NAV3: variants seen among roughly 807,000 people sequenced by gnomAD.
NAV3 encodes the protein neuron navigator 3.
NAV3 carries 87 observed loss-of-function variants against 244.7 expected under a neutral mutation model. That is an observed-to-expected ratio of 0.36 (90% CI 0.30 to 0.42). The LOEUF (loss-of-function observed/expected upper bound fraction) is 0.42. Among genes scored for constraint, NAV3 ranks in the 20% least tolerant of loss-of-function variants. The probability of loss-of-function intolerance (pLI) is 1.00; values close to 1 mark genes in which losing one functional copy is unlikely to be tolerated. For synonymous variants in NAV3, 1,126 were observed against 1,042.2 expected, an observed-to-expected ratio of 1.08 and a Z score of -1.55; for missense variants, 2,663 against 2,893.3, an observed-to-expected ratio of 0.92 and a Z score of 1.83.
chr12:77,726,840 AG>A (rs2137321935), intron 2 of NAV3, among the ~76,000 whole-genome samples: 1 of 152,102 alleles, frequency 6.6e-6, no homozygotes, highest in African/African-American at 2.4e-5. Flanking sequence ...ACAAACTGGC[AG>A]GGGTTTGGTG....
At chr12:77,925,012 A>G (rs1466075832) in intron 1 of NAV3, among the ~76,000 whole-genome samples, 1 of 152,026 alleles carries the variant, frequency 6.6e-6, no homozygotes, top group Admixed American at 6.6e-5. Flanking sequence ...GAAAGCCCAG[A>G]ATTTCTGACT....
intron 1 of NAV3, among the ~76,000 whole-genome samples, chr12:77,885,162 T>C (rs1883131552): frequency 6.6e-6 from 1 of 152,070 alleles, no homozygotes; most frequent in Non-Finnish European, 1.5e-5. Context: ...TATTCCTATA[T>C]GGGTTAAGCA....
At chr12:78,065,260 T>G (rs1395914610) in intron 12 of NAV3, among the ~76,000 whole-genome samples, 2 of 152,122 alleles carry the variant, frequency 1.3e-5, no homozygotes, top group Non-Finnish European at 2.9e-5. Flanking sequence ...GAGATTTTAA[T>G]GCAAGACAGC....
intron 2 of NAV3, among the ~76,000 whole-genome samples, chr12:77,710,290 C>T (rs1250133623): frequency 6.6e-6 from 1 of 151,270 alleles, no homozygotes; most frequent in Non-Finnish European, 1.5e-5. Context: ...ATTATGAATC[C>T]TAATGTAGGC....
chr12:77,679,374 A>G (rs1250702548), intron 2 of NAV3, among the ~76,000 whole-genome samples: 1 of 152,164 alleles, frequency 6.6e-6, no homozygotes, highest in East Asian at 1.9e-4. Flanking sequence ...AATCCTTAAG[A>G]TAACTTACAA....
chr12:78,148,676 G>T (rs575512773), intron 21 of NAV3, among the ~76,000 whole-genome samples, 166 bp from the exon 22 acceptor site: 1 of 152,182 alleles, frequency 6.6e-6, no homozygotes, highest in African/African-American at 2.4e-5. Context: ...AATGACATTT[G>T]CTTGTTACTG....
At chr12:78,139,980 T>C (rs948318757) in intron 19 of NAV3, among the ~76,000 whole-genome samples, 27 of 152,160 alleles carry the variant, frequency 1.8e-4, no homozygotes, top group African/African-American at 5.6e-4. Flanking sequence ...TGCTATTCTA[T>C]TTATTATATG....
intron 2 of NAV3, chr12:77,783,397 T>A (rs1870762416): frequency 6.6e-6 from 1 of 151,880 alleles, no homozygotes; most frequent in South Asian, 2.1e-4. Flanking sequence ...GTGCTGGAAA[T>A]ATGACCAAGC....
chr12:78,073,544 C>T (rs7962220), intron 12 of NAV3, among the ~76,000 whole-genome samples: 14,739 of 151,782 alleles, frequency 0.097, 884 homozygotes, highest in South Asian at 0.2. Context: ...AAAGAGGATA[C>T]AAACAAATGG....
At chr12:77,987,939 T>G (rs931899942) in intron 5 of NAV3, among the ~76,000 whole-genome samples, 3 of 152,246 alleles carry the variant, frequency 2.0e-5, no homozygotes, top group Middle Eastern at 3.4e-3. Context: ...GAACCTGTAT[T>G]TGGGAAGCAG....
intron 2 of NAV3, among the ~76,000 whole-genome samples, chr12:77,726,022 C>T (rs964563506): frequency 4.6e-5 from 7 of 151,876 alleles, no homozygotes; most frequent in Admixed American, 2.0e-4. Context: ...TGGGCCTAAC[C>T]GGATAATCCA....
intron 2 of NAV3, among the ~76,000 whole-genome samples, chr12:77,597,313 A>AGAGTATCTAAGCATACAGTGGC (rs1870214830): frequency 6.6e-6 from 1 of 151,966 alleles, no homozygotes; most frequent in Non-Finnish European, 1.5e-5. Flanking sequence ...AATCAGTATT[A>AGAGTATCTAAGCATACAGTGGC]CTCATATGAT....
intron 12 of NAV3, among the ~76,000 whole-genome samples, chr12:78,097,136 A>T (rs1954294480): frequency 6.6e-6 from 1 of 152,120 alleles, no homozygotes; most frequent in African/African-American, 2.4e-5. Context: ...ACCTGGAGGG[A>T]GGTTAGGTCA....
chr12:77,861,054 C>G (rs1015015406), intron 1 of NAV3, among the ~76,000 whole-genome samples: 1 of 151,816 alleles, frequency 6.6e-6, no homozygotes, highest in African/African-American at 2.4e-5. Context: ...AGAAATTTGT[C>G]CCGAGCATTC....
At chr12:78,154,259 A>ATACTACT (rs1288433816) in intron 22 of NAV3, among the ~76,000 whole-genome samples, 16 of 142,626 alleles carry the variant, frequency 1.1e-4, no homozygotes, top group Non-Finnish European at 1.5e-4. Flanking sequence ...ATTACTATAT[A>ATACTACT]ATATATAGTA....
At chr12:77,804,222 C>T (rs537421311) in intron 2 of NAV3, among the ~76,000 whole-genome samples, 4 of 152,134 alleles carry the variant, frequency 2.6e-5, no homozygotes, top group Non-Finnish European at 5.9e-5. Context: ...AAGGCTTTGT[C>T]CATGCCTATG....
intron 8 of NAV3, among the ~76,000 whole-genome samples, chr12:78,016,254 C>A (rs1009612667): frequency 6.6e-6 from 1 of 151,922 alleles, no homozygotes; most frequent in African/African-American, 2.4e-5. Flanking sequence ...TGCATACACA[C>A]ACATACATAC....
chr12:78,204,856 C>T, intron 38 of NAV3, 79 bp from the exon 39 acceptor site: 1 of 1,269,118 alleles, frequency 7.9e-7, no homozygotes, highest in East Asian at 2.5e-5. Context: ...GTCAAAAAAT[C>T]ACATCCAACT....
At chr12:77,782,569 C>T (rs1161065952) in intron 2 of NAV3, among the ~76,000 whole-genome samples, 1 of 150,106 alleles carries the variant, frequency 6.7e-6, no homozygotes, top group East Asian at 1.9e-4. Flanking sequence ...ACTTGGATTC[C>T]CTATTTGAGC....
Sources: gnomAD v4.1 joint callset for allele counts (sites outside exome capture counted in the v4.1 genomes callset) on GRCh38, gnomAD v4.1.1 for gene constraint, MANE v1.5 for transcripts, NCBI Gene and HGNC (gene_info 2026-07-23, HGNC 2026-07-21) for gene names.